Variants in TBC1D4 observed in about 807,000 individuals in gnomAD.
TBC1D4 encodes TBC (Tre-2, BUB2, CDC16) domain-containing protein.
Under a neutral mutation model 142.5 loss-of-function variants are expected in TBC1D4, and 121 were observed. The ratio of observed to expected loss-of-function variants is 0.85; its 90% CI spans 0.73 to 0.99. TBC1D4 has a LOEUF of 0.99. Among genes scored for constraint, TBC1D4 ranks in the 50% least tolerant of loss-of-function variants. TBC1D4 has a pLI of 0.00. For missense variants in TBC1D4, 1,475 were observed against 1,606.6 expected, an observed-to-expected ratio of 0.92 and a Z score of 1.40; for synonymous variants, 630 against 628.2, an observed-to-expected ratio of 1.00 and a Z score of -0.04.
chr13:75,391,032 CCACACACACACA>C (rs71127539), intron 1 of TBC1D4, among the ~76,000 whole-genome samples: 1,704 of 136,760 alleles, frequency 0.012, 17 homozygotes, highest in Non-Finnish European at 0.014. Context: ...TATTCCCCCA[CCACACACACACA>C]CACACACACA....
At position 75,320,046 on chromosome 13, in the gene TBC1D4, A is replaced by G. The variant is rs760736561; in HGVS notation, c.2199-9T>C. 1 of 1,613,430 alleles carries G rather than the reference A, an allele frequency of 6.2e-7. No individual in the cohort carries two copies. The highest frequency in any genetic ancestry group is 1.7e-5 in the Admixed American group (1 of 60,018). ...CTGAAGCAGTGTCTTGTCTGGTACA[A>G]CAGGAAAACAAGGAATGGAATTAGC... On this transcript the variant is annotated splice_polypyrimidine_tract_variant and intron_variant, in intron 11 of 20. Coordinates refer to ENST00000377636, the MANE Select transcript of TBC1D4 (RefSeq NM_014832.5).
At chr13:75,374,291 G>A (rs1883380129) in intron 1 of TBC1D4, among the ~76,000 whole-genome samples, 1 of 152,010 alleles carries the variant, frequency 6.6e-6, no homozygotes, top group East Asian at 1.9e-4. Context: ...CCCATCACTT[G>A]TTAATATTTC....
rs1419719739 is a variant in TBC1D4 at position 75,324,903 on chromosome 13, CT to C, written c.2034-503del. 4.4e-4 allele frequency among the ~76,000 whole-genome samples: 67 copies of C among 152,292 alleles called. 3 individuals are homozygous for C. The highest frequency in any genetic ancestry group is 1.6e-3 in the African/African-American group (66 of 41,568). On this transcript the variant is annotated intron_variant, in intron 10 of 20. Coordinates refer to ENST00000377636, the MANE Select transcript of TBC1D4 (RefSeq NM_014832.5). Reference sequence around the variant, plus strand: ...CTTAACAAACATTAATGTCCGTGTTCTTTCCTGAGGACAGTGGAATTGTGCC... The same window carrying C: ...CTTAACAAACATTAATGTCCGTGTTCTTCCTGAGGACAGTGGAATTGTGCC...
chr13:75,456,692 G>A (rs1887749309), intron 1 of TBC1D4, among the ~76,000 whole-genome samples: 1 of 150,656 alleles, frequency 6.6e-6, no homozygotes. Flanking sequence ...GTCACACATT[G>A]CTGGTGGGAG....
intron 1 of TBC1D4, among the ~76,000 whole-genome samples, chr13:75,475,654 C>A (rs1888603140): frequency 6.6e-6 from 1 of 152,166 alleles, no homozygotes; most frequent in African/African-American, 2.4e-5. Context: ...CTAGAAAATT[C>A]ATGGAAATCA....
intron 7 of TBC1D4, among the ~76,000 whole-genome samples, chr13:75,337,704 C>T (rs1049637605): frequency 4.6e-5 from 7 of 152,198 alleles, no homozygotes; most frequent in South Asian, 4.2e-4. Flanking sequence ...ACACAAAGCA[C>T]GTGTAAGTAT....
Position 75,359,874 on chromosome 13 carries a change from A to T in TBC1D4, c.1081-16T>A. The T allele has an allele frequency of 6.3e-7, 1 of 1,588,534 alleles. No individual in the cohort carries two copies. The highest frequency in any genetic ancestry group is 8.6e-7 in the Non-Finnish European group (1 of 1,157,060). ...ATCGCCCAACCTTAAAAATAAAAGCATTCCAATTAATTTCAATTCATAAGG... is the reference window on the plus strand; with the variant it reads ...ATCGCCCAACCTTAAAAATAAAAGCTTTCCAATTAATTTCAATTCATAAGG... On this transcript the variant is annotated splice_polypyrimidine_tract_variant and intron_variant, in intron 2 of 20. Transcript: ENST00000377636.
Position 75,474,498 on chromosome 13 carries a change from G to A in TBC1D4, c.498+6772C>T, listed in dbSNP as rs529072802. On this transcript the variant is annotated intron_variant, in intron 1 of 20. Transcript: ENST00000377636. ...GGCGTGAACCCGGAAGGCGGAGCTT[G>A]CAGTGAGCCGAGATTGCGCCACTGC... Among the ~76,000 whole-genome samples, 18 of 152,290 alleles carry A rather than the reference G, an allele frequency of 1.2e-4. No individual in the cohort carries two copies. In the East Asian group the frequency reaches 3.5e-3, roughly 29 times the overall value.
intron 5 of TBC1D4, among the ~76,000 whole-genome samples, chr13:75,342,593 T>C (rs947684537): frequency 6.6e-6 from 1 of 152,166 alleles, no homozygotes; most frequent in Non-Finnish European, 1.5e-5. Context: ...TTCTTACACA[T>C]AATTTATATT....
intron 16 of TBC1D4, among the ~76,000 whole-genome samples, chr13:75,301,126 T>C (rs144968333): frequency 1.3e-5 from 2 of 152,290 alleles, no homozygotes; most frequent in South Asian, 4.2e-4. Flanking sequence ...CATAAGGTAA[T>C]CTTGTATTTT....
chr13:75,336,223 C>A (rs1880184897), intron 8 of TBC1D4, among the ~76,000 whole-genome samples: 1 of 150,726 alleles, frequency 6.6e-6, no homozygotes, highest in African/African-American at 2.4e-5. Context: ...ATGGTGAAAC[C>A]CTGTCTCTAC....
chr13:75,330,139 T>C (rs1566386352), intron 8 of TBC1D4, among the ~76,000 whole-genome samples: 1 of 152,246 alleles, frequency 6.6e-6, no homozygotes, highest in African/African-American at 2.4e-5. Flanking sequence ...CTTTAACTTT[T>C]TACCTTGTTC....
At chr13:75,327,501 C>T (rs2297205) in intron 9 of TBC1D4, among the ~76,000 whole-genome samples, 48,065 of 151,944 alleles carry the variant, frequency 0.32, 8,776 homozygotes, top group Non-Finnish European at 0.42. Flanking sequence ...TCAATAGTTG[C>T]TCAAATACTG....
At chr13:75,436,340 A>C (rs1049822186) in intron 1 of TBC1D4, among the ~76,000 whole-genome samples, 1 of 152,090 alleles carries the variant, frequency 6.6e-6, no homozygotes, top group African/African-American at 2.4e-5. Flanking sequence ...CTAGTTCATG[A>C]AGAAGGAATG....
At chr13:75,448,171 G>C (rs1310419499) in intron 1 of TBC1D4, among the ~76,000 whole-genome samples, 1 of 152,076 alleles carries the variant, frequency 6.6e-6, no homozygotes, top group African/African-American at 2.4e-5. Context: ...CTTCTACAGG[G>C]TCTTCATTGG....
At chr13:75,344,339 A>G (rs1350489549) in intron 5 of TBC1D4, among the ~76,000 whole-genome samples, 2 of 152,264 alleles carry the variant, frequency 1.3e-5, no homozygotes, top group African/African-American at 2.4e-5. Context: ...TATGTAACTA[A>G]ATTCATAAAC....
At chr13:75,383,546 T>A (rs1000055968) in intron 1 of TBC1D4, among the ~76,000 whole-genome samples, 1 of 152,214 alleles carries the variant, frequency 6.6e-6, no homozygotes, top group Non-Finnish European at 1.5e-5. Context: ...TGGTTTTAGT[T>A]ACCTGCAGTA....
At chr13:75,410,364 T>A (rs2138395140) in intron 1 of TBC1D4, among the ~76,000 whole-genome samples, 1 of 152,240 alleles carries the variant, frequency 6.6e-6, no homozygotes, top group South Asian at 2.1e-4. Flanking sequence ...GCCAGAACAG[T>A]GCTTCTTCTT....
intron 1 of TBC1D4, among the ~76,000 whole-genome samples, chr13:75,370,791 G>A (rs2138209654): frequency 6.6e-6 from 1 of 152,246 alleles, no homozygotes; most frequent in Admixed American, 6.5e-5. Context: ...GACAGATCAG[G>A]GCTGAGACAG....
Sources: gnomAD v4.1 joint callset for allele counts (sites outside exome capture counted in the v4.1 genomes callset) on GRCh38, gnomAD v4.1.1 for gene constraint, MANE v1.5 for transcripts, NCBI Gene and HGNC (gene_info 2026-07-23, HGNC 2026-07-21) for gene names.